Variants in AHCYL2 observed in about 807,000 individuals in gnomAD.
The protein encoded by AHCYL2 is adenosylhomocysteinase like 2, also known as S-adenosylhomocysteine hydrolase-like protein 2.
AHCYL2 carries 28 observed loss-of-function variants against 81.4 expected under a neutral mutation model. The ratio of observed to expected loss-of-function variants is 0.34; its 90% confidence interval spans 0.25 to 0.47. The LOEUF (loss-of-function observed/expected upper bound fraction) is 0.47, where lower values mean the gene tolerates loss of function less well. Among genes scored for constraint, AHCYL2 ranks in the 20% least tolerant of loss-of-function variants. The pLI, the probability that AHCYL2 is intolerant of heterozygous loss-of-function variation, is 1.00. For synonymous variants in AHCYL2, 272 were observed against 290.2 expected, an observed-to-expected ratio of 0.94 and a Z score of 0.64; for missense variants, 551 against 785.1, an observed-to-expected ratio of 0.70 and a Z score of 3.56.
At chr7:129,314,360 C>T (rs559651307) in intron 1 of AHCYL2, among the ~76,000 whole-genome samples, 105 of 152,306 alleles carry the variant, frequency 6.9e-4, no homozygotes, top group Non-Finnish European at 1.2e-3. Context: ...ATTGTAAACT[C>T]ATTGACTGTA....
At chr7:129,264,778 T>G (rs1795760995) in intron 1 of AHCYL2, among the ~76,000 whole-genome samples, 2 of 152,224 alleles carry the variant, frequency 1.3e-5, no homozygotes, top group African/African-American at 4.8e-5. Context: ...TTGTTCAGTG[T>G]GACAGAGACT....
intron 11 of AHCYL2, among the ~76,000 whole-genome samples, 166 bp downstream of exon 11, chr7:129,409,712 C>T (rs538299295): frequency 2.6e-5 from 4 of 152,282 alleles, no homozygotes; most frequent in Middle Eastern, 3.4e-3. Flanking sequence ...TTTAGAGCTC[C>T]GACCAAAGGT....
intron 1 of AHCYL2, among the ~76,000 whole-genome samples, chr7:129,326,045 G>A (rs1448981721): frequency 6.6e-6 from 1 of 152,032 alleles, no homozygotes; most frequent in Non-Finnish European, 1.5e-5. Flanking sequence ...TCCATAATGT[G>A]TTCCACTTGG....
intron 1 of AHCYL2, among the ~76,000 whole-genome samples, chr7:129,336,069 T>TC (rs1563201564): frequency 2.0e-5 from 2 of 98,040 alleles, no homozygotes; most frequent in African/African-American, 9.6e-5. Flanking sequence ...CTCTTTTCTT[T>TC]CCTTTTTTTT....
At chr7:129,321,739 C>CTTTGTTTTTT (rs1798022493) in intron 1 of AHCYL2, among the ~76,000 whole-genome samples, 1 of 38,736 alleles carries the variant, frequency 2.6e-5, no homozygotes, top group Non-Finnish European at 6.0e-5. Flanking sequence ...TGTATTCTTT[C>CTTTGTTTTTT]TTTGTTTTTT....
Position 129,425,058 on chromosome 7 carries a change from TC to T in AHCYL2, c.1630-4del, listed in dbSNP as rs769978861. 9.9e-6 allele frequency: 16 copies of T among 1,613,780 alleles called. No homozygotes were observed. Among genetic ancestry groups the T allele is most frequent in the Non-Finnish European group, 1.4e-5 (16 of 1,179,938 alleles). On this transcript the variant is annotated splice_polypyrimidine_tract_variant and splice_region_variant and intron_variant, in intron 14 of 16. Coordinates refer to ENST00000325006, the MANE Select transcript of AHCYL2 (RefSeq NM_015328.4). The stretch of plus-strand genomic sequence containing the variant: ...ACATCAGCATCCATCTCTCTGCTTT[TC>T]TAGGCTCTTGCCTTGATAGAGCTTT...
In AHCYL2 at chr7:129,404,451, AC is replaced by A. The variant is rs370875837; in HGVS notation, c.1026-645del. On this transcript the variant is annotated intron_variant, in intron 7 of 16. Transcript: ENST00000325006. Reference sequence around the variant, plus strand: ...AATACATTATCATCTTTTTGAATGTACAAAACTGAGGTCAGGAGTTCAAGAC... The same window carrying A: ...AATACATTATCATCTTTTTGAATGTAAAAACTGAGGTCAGGAGTTCAAGAC... Among the ~76,000 whole-genome samples the A allele has an allele frequency of 2.8e-4, 42 of 152,256 alleles. No individual in the cohort carries two copies. The East Asian group carries it at 4.6e-3, about 17-fold the overall frequency.
rs1242643522 is a variant in AHCYL2 at position 129,426,473 on chromosome 7, C to T, written c.1739C>T (p.Thr580Ile). ...TATGTGGCCAGCCTACACCTGCCTA[C>T]CTTTGATGCCCACTTGACAGAGCTG... ...DEYVASLHLP[T>I]FDAHLTELTD... is the part of the protein sequence containing the mutation. The change falls in exon 16 of 17, where the codon ACC (threonine) becomes ATC (isoleucine). Residue 580 changes from threonine (T) to isoleucine (I), a missense_variant. Around this residue, in one of 2 missense-constraint regions of AHCYL2, gnomAD observed 316 missense variants for 543.1 expected, o/e 0.58. Transcript: ENST00000325006. This position sits in a 1 kb window ranked among gnomAD's most constrained non-coding sequence, Gnocchi z 4.3. 1 of 1,614,132 alleles carries T rather than the reference C, an allele frequency of 6.2e-7. No individual in the cohort carries two copies. Among genetic ancestry groups the T allele is most frequent in the South Asian group, 1.1e-5 (1 of 91,084 alleles).
intron 1 of AHCYL2, among the ~76,000 whole-genome samples, chr7:129,341,787 G>A (rs1487242502): frequency 2.0e-5 from 3 of 152,142 alleles, no homozygotes; most frequent in African/African-American, 7.2e-5. Flanking sequence ...ACACACTCAT[G>A]GTTATCATAT....
At chr7:129,241,684 T>A (rs2150689838) in intron 1 of AHCYL2, among the ~76,000 whole-genome samples, 1 of 152,296 alleles carries the variant, frequency 6.6e-6, no homozygotes, top group Admixed American at 6.5e-5. Flanking sequence ...ATGTTTTCAT[T>A]TTGCAAAATT....
chr7:129,241,616 T>A (rs760445593), intron 1 of AHCYL2, among the ~76,000 whole-genome samples: 15 of 152,020 alleles, frequency 9.9e-5, no homozygotes, highest in South Asian at 2.1e-4. Context: ...AAATAAAATT[T>A]CATTTCAAAT....
At chr7:129,418,456 C>T (rs760682563) in intron 12 of AHCYL2, among the ~76,000 whole-genome samples, 1 of 152,110 alleles carries the variant, frequency 6.6e-6, no homozygotes, top group Non-Finnish European at 1.5e-5. Flanking sequence ...CCCGCCACCA[C>T]GCCTGGCAGA....
intron 1 of AHCYL2, among the ~76,000 whole-genome samples, chr7:129,242,874 T>TTGTTTTAATTTGCATTTCC (rs1413845641): frequency 6.6e-6 from 1 of 152,190 alleles, no homozygotes; most frequent in African/African-American, 2.4e-5. Flanking sequence ...AGTATCTCTG[T>TTGTTTTAATTTGCATTTCC]TGTTTTAATT....
intron 1 of AHCYL2, among the ~76,000 whole-genome samples, chr7:129,341,329 G>C (rs554633642): frequency 6.6e-6 from 1 of 152,206 alleles, no homozygotes. Flanking sequence ...AGGTTTGTTT[G>C]TGTTGACTCT....
At chr7:129,314,956 C>T (rs975553007) in intron 1 of AHCYL2, among the ~76,000 whole-genome samples, 1 of 152,080 alleles carries the variant, frequency 6.6e-6, no homozygotes, top group Non-Finnish European at 1.5e-5. Flanking sequence ...CAGTTTCCTC[C>T]TGTTAGATTA....
intron 4 of AHCYL2, among the ~76,000 whole-genome samples, chr7:129,391,609 A>G (rs1291037613): frequency 6.6e-6 from 1 of 152,240 alleles, no homozygotes; most frequent in Non-Finnish European, 1.5e-5. Context: ...GTTGCTAACC[A>G]TAATGAGACC....
intron 1 of AHCYL2, among the ~76,000 whole-genome samples, chr7:129,274,725 C>T (rs952521040): frequency 6.6e-6 from 1 of 152,092 alleles, no homozygotes; most frequent in Non-Finnish European, 1.5e-5. Flanking sequence ...TGTGAGAATC[C>T]CCAGCCAGAT....
chr7:129,416,122 G>C (rs551481204), intron 12 of AHCYL2, among the ~76,000 whole-genome samples: 3 of 152,164 alleles, frequency 2.0e-5, no homozygotes, highest in Admixed American at 2.0e-4. Flanking sequence ...GTTTTCCTGT[G>C]TGTTGTATTT....
At chr7:129,409,632 C>A (rs1054534706) in intron 11 of AHCYL2, 86 bp downstream of exon 11, 2 of 1,163,978 alleles carry the variant, frequency 1.7e-6, no homozygotes, top group Non-Finnish European at 2.5e-6. Context: ...TTCTGAAAAA[C>A]CAAACTCTAA....
Sources: gnomAD v4.1 joint callset for allele counts (sites outside exome capture counted in the v4.1 genomes callset) on GRCh38, gnomAD v4.1.1 for gene constraint, gnomAD v4.1.1 regional missense constraint, Gnocchi (gnomAD v3.1) non-coding constraint, MANE v1.5 for transcripts, NCBI Gene and HGNC (gene_info 2026-07-23, HGNC 2026-07-21) for gene names.